The following SDSL variants were observed in gnomAD, a reference collection of about 807,000 sequenced individuals.
SDSL encodes serine dehydratase-like.
A neutral mutation model predicts 27.6 loss-of-function variants in SDSL; 26 were observed. The ratio of observed to expected loss-of-function variants is 0.94; its 90% CI spans 0.69 to 1.31. SDSL has a LOEUF of 1.31. SDSL is among the 50% of genes most tolerant of loss of function. The pLI, the probability that SDSL is intolerant of heterozygous loss-of-function variation, is 0.00. For missense variants in SDSL, 431 were observed against 423.5 expected, an observed-to-expected ratio of 1.02 and a Z score of -0.16; for synonymous variants, 196 against 180.6, an observed-to-expected ratio of 1.09 and a Z score of -0.69.
intron 1 of SDSL, among the ~76,000 whole-genome samples, chr12:113,425,983 T>C (rs1957844845): frequency 6.6e-6 from 1 of 151,994 alleles, no homozygotes; most frequent in Admixed American, 6.6e-5. Flanking sequence ...CGAGACTCCC[T>C]TTCAAAACAC....
rs1957802494 is a variant in SDSL, at chr12:113,422,412, T to G, written c.-87T>G. 1 of 153,866 alleles carries G rather than the reference T, an allele frequency of 6.5e-6. No homozygotes were observed. The highest frequency in any genetic ancestry group is 1.4e-5 in the Non-Finnish European group (1 of 69,390). 9.5% of individuals were successfully genotyped at this position (153,866 alleles called of 1,614,324 possible). ...GACAGAGCCGGTTCCTGGAAAGAGC[T>G]GGTTCCCTGGCAGGCTGGAGGGCAG... On this transcript the variant is annotated 5_prime_UTR_variant, in exon 1 of 8. Transcript: ENST00000403593.
chr12:113,432,344 CTCTT>C (rs368619983), intron 4 of SDSL, among the ~76,000 whole-genome samples: 2 of 150,444 alleles, frequency 1.3e-5, no homozygotes, highest in Non-Finnish European at 1.5e-5. Context: ...CTCTGTCTCT[CTCTT>C]TCTTTCTTTT....
intron 2 of SDSL, 100 bp from the exon 3 acceptor site, chr12:113,428,320 G>A: frequency 2.2e-6 from 3 of 1,341,678 alleles, no homozygotes; most frequent in East Asian, 2.4e-5. Context: ...AGGGGTAAAG[G>A]CGTATTGGGA....
At chr12:113,427,897 C>A in intron 1 of SDSL, 65 bp from the exon 2 acceptor site, 4 of 1,452,242 alleles carry the variant, frequency 2.8e-6, no homozygotes, top group Non-Finnish European at 3.7e-6. Context: ...CCTTCCCCTC[C>A]CTGTCCTGGT....
chr12:113,423,852 G>A (rs1408101071), intron 1 of SDSL, among the ~76,000 whole-genome samples: 1 of 152,128 alleles, frequency 6.6e-6, no homozygotes, highest in Non-Finnish European at 1.5e-5. Context: ...CACCAAAAAG[G>A]AAGAGAGACC....
At chr12:113,428,531 T>C in intron 3 of SDSL, 72 bp downstream of exon 3, 1 of 1,421,948 alleles carries the variant, frequency 7.0e-7, no homozygotes, top group Non-Finnish European at 9.7e-7. Context: ...GCAGTACACA[T>C]CCAGGGTTGG....
chr12:113,428,313 GGTAA>G, intron 2 of SDSL, 103 bp from the exon 3 acceptor site: 1 of 1,320,956 alleles, frequency 7.6e-7, no homozygotes, highest in Non-Finnish European at 1.1e-6. Flanking sequence ...CAGGATGAGG[GGTAA>G]AGGCGTATTG....
Position 113,432,308 on chromosome 12 carries a change from G to A in SDSL, c.355-1826G>A, listed in dbSNP as rs148319828. Among the ~76,000 whole-genome samples the A allele has an allele frequency of 8.2e-3, 1,057 of 128,956 alleles. 16 individuals carry two copies. The highest frequency in any genetic ancestry group is 0.019 in the South Asian group (79 of 4,142). The allele number at this position is 128,956 out of a possible 152,430, so 84.6% of individuals were successfully genotyped here. On this transcript the variant is annotated intron_variant, in intron 4 of 7. Transcript: ENST00000403593. The stretch of plus-strand genomic sequence containing the variant: ...TCTTTCTTTCTCTCTCTCTCTTTCT[G>A]TCTCTCTGTCTCTCTCTCTCTCTGT...
At chr12:113,435,195 A>T (rs1163996469) in intron 5 of SDSL, 134 bp from the exon 6 acceptor site, 15 of 551,332 alleles carry the variant, frequency 2.7e-5, no homozygotes, top group Non-Finnish European at 3.8e-5. Context: ...CGTGGATGGG[A>T]TGGGGATGGT....
chr12:113,429,177 G>A lies in SDSL; in HGVS notation c.232G>A (p.Ala78Thr), dbSNP rs752659249. The A allele has an allele frequency of 8.7e-6, 14 of 1,613,358 alleles. No individual in the cohort carries two copies. Among genetic ancestry groups the A allele is most frequent in the African/African-American group, 4.0e-5 (3 of 74,882 alleles). Reference sequence around the variant, plus strand: ...CTGCACAGGGGGTAATGCGGGCATCGCTGCTGCCTATGCTGCTAGGAAGCT... The same window carrying A: ...CTGCACAGGGGGTAATGCGGGCATCACTGCTGCCTATGCTGCTAGGAAGCT... ...VCSSGGNAGI[A>T]AAYAARKLGI... Residue 78 changes from alanine (A) to threonine (T), a missense_variant, in exon 4 of 8, where the codon GCT becomes ACT. Physicochemically the swap from Ala to Thr is moderately conservative, Grantham distance 58. Coordinates refer to ENST00000403593, the MANE Select transcript of SDSL (RefSeq NM_001304993.2).
Position 113,425,601 on chromosome 12 carries a change from CT to C in SDSL, c.-21-2352del, listed in dbSNP as rs978603294. On this transcript the variant is annotated intron_variant, in intron 1 of 7. Transcript: ENST00000403593. ...CAAGAGGAGCTGGCTGTATTTTTTC[CT>C]TTTTTTTTCTCTACTATTTTTCCTC... 1.6e-4 allele frequency: 70 copies of C among 447,006 alleles called. 2 individuals are homozygous for C. The highest frequency in any genetic ancestry group is 6.8e-4 in the Admixed American group (28 of 40,894). 27.7% of individuals were successfully genotyped at this position (447,006 alleles called of 1,614,324 possible).
chr12:113,431,177 C>T (rs1957917048), intron 4 of SDSL, among the ~76,000 whole-genome samples: 1 of 152,182 alleles, frequency 6.6e-6, no homozygotes, highest in South Asian at 2.1e-4. Flanking sequence ...TGCATTCAGG[C>T]TGAGCCCAGC....
At position 113,438,088 on chromosome 12, in the gene SDSL, A is replaced by C; in HGVS notation, c.*9A>C. On this transcript the variant is annotated 3_prime_UTR_variant, in exon 8 of 8. Transcript: ENST00000403593. Reference sequence around the variant, plus strand: ...ACCTGGGCCAGGTCTGAGGGGTCCCATCCTGGCCCCAAAGACCCCTGAGAG... The same window carrying C: ...ACCTGGGCCAGGTCTGAGGGGTCCCCTCCTGGCCCCAAAGACCCCTGAGAG... 1.9e-6 allele frequency: 3 copies of C among 1,609,312 alleles called. No homozygotes were observed. Among genetic ancestry groups the C allele is most frequent in the Non-Finnish European group, 2.5e-6 (3 of 1,177,684 alleles).
In SDSL at chr12:113,436,777, C is replaced by T. The variant is rs370081537; in HGVS notation, c.698C>T (p.Thr233Met). Residue 233 changes from threonine (T) to methionine (M), a missense_variant, in exon 7 of 8, where the codon ACG (threonine) becomes ATG (methionine). Thr to Met is a moderately conservative substitution (Grantham distance 81, BLOSUM62 -1). Transcript: ENST00000403593. ...GTGGCCAAGAGCCTGGGTGCCAAGA[C>T]GGTGGCCGCTCGGGCCCTGGAGTGC... Reference protein sequence around the residue: ...TSVAKSLGAKTVAARALECMQ... With the variant: ...TSVAKSLGAKMVAARALECMQ... The T allele has an allele frequency of 2.5e-5, 41 of 1,610,068 alleles. No homozygotes were observed. The highest frequency in any genetic ancestry group is 1.6e-4 in the Middle Eastern group (1 of 6,068).
rs770933490 is a variant in SDSL at position 113,428,416 on chromosome 12, C to T, written c.175-4C>T. On this transcript the variant is annotated splice_polypyrimidine_tract_variant and splice_region_variant and intron_variant, in intron 2 of 7. Coordinates refer to ENST00000403593, the MANE Select transcript of SDSL (RefSeq NM_001304993.2). ...GCCGCTAACCCCATTCCTTCTCTTC[C>T]CAGATGGCCAAGAAGGGATGCAGAC... 1.9e-6 allele frequency: 3 copies of T among 1,611,640 alleles called. No homozygotes were observed. Among genetic ancestry groups the T allele is most frequent in the Admixed American group, 3.4e-5 (2 of 59,688 alleles).
intron 4 of SDSL, 68 bp from the exon 5 acceptor site, chr12:113,434,066 G>A: frequency 7.7e-7 from 1 of 1,305,016 alleles, no homozygotes; most frequent in Non-Finnish European, 1.1e-6. Flanking sequence ...GGAGATCCTG[G>A]GCCTCTGCTC....
intron 4 of SDSL, among the ~76,000 whole-genome samples, chr12:113,432,257 TTTCTTTCTTTCTTTC>T (rs1957936278): frequency 7.0e-6 from 1 of 142,802 alleles, no homozygotes; most frequent in South Asian, 2.3e-4. Flanking sequence ...TCTTTCTTTC[TTTCTTTCTTTCTTTC>T]TTTCTTTCTT....
At position 113,425,753 on chromosome 12, in the gene SDSL, G is replaced by A. The variant is rs751771290; in HGVS notation, c.-21-2209G>A. On this transcript the variant is annotated intron_variant, in intron 1 of 7. Transcript: ENST00000403593. Reference sequence around the variant, plus strand: ...CACGGATGTAGTCCCAGCACTTCGGGAGGCCGAGGTGGGCAGATCACTTGA... The same window carrying A: ...CACGGATGTAGTCCCAGCACTTCGGAAGGCCGAGGTGGGCAGATCACTTGA... 1.2e-4 allele frequency: 54 copies of A among 455,696 alleles called. 1 individual carries two copies. The highest frequency in any genetic ancestry group is 5.7e-4 in the South Asian group (37 of 64,464). The allele number at this position is 455,696 out of a possible 1,614,324, so 28.2% of individuals were successfully genotyped here. A position where few individuals can be genotyped will look rare whatever the true frequency, so the allele number is the denominator to read the frequency against.
intron 7 of SDSL, 91 bp downstream of exon 7, chr12:113,436,966 C>T (rs1343421459): frequency 3.1e-6 from 4 of 1,295,628 alleles, no homozygotes; most frequent in African/African-American, 3.0e-5. Flanking sequence ...TCTGTATCCT[C>T]AGCACCAGGC....
Sources: allele counts gnomAD v4.1 joint callset (sites outside exome capture counted in the v4.1 genomes callset), GRCh38; gene constraint gnomAD v4.1.1; transcripts MANE v1.5; gene names NCBI Gene and HGNC (gene_info 2026-07-23, HGNC 2026-07-21).